IL1RAPL1: variants seen among roughly 807,000 people sequenced by gnomAD.
IL1RAPL1 encodes the protein interleukin-1 receptor accessory protein-like 1.
IL1RAPL1 carries 3 observed loss-of-function variants against 48.4 expected under a neutral mutation model. That is an observed-to-expected ratio of 0.06 (90% CI 0.03 to 0.16). The LOEUF is 0.16. Ranked by LOEUF, IL1RAPL1 falls within the 10% of genes least tolerant of loss-of-function variation. IL1RAPL1 has a pLI of 1.00. For missense variants in IL1RAPL1, 349 were observed against 530.6 expected (o/e 0.66, Z 3.36); for synonymous variants, 185 against 187.7 (o/e 0.99, Z 0.12).
intron 3 of IL1RAPL1, among the ~76,000 whole-genome samples, chrX:29,333,199 G>A (rs1161963175): frequency 1.8e-4 from 19 of 106,750 alleles, no homozygotes; most frequent in Non-Finnish European, 3.5e-4. Context: ...CGGGCAGAGG[G>A]GCTCCTCACT....
intron 2 of IL1RAPL1, among the ~76,000 whole-genome samples, chrX:29,208,903 C>T (rs968547281): frequency 5.4e-5 from 6 of 110,110 alleles, no homozygotes; most frequent in Non-Finnish European, 7.6e-5. Flanking sequence ...TTTTGGCCAA[C>T]TTCCTGCTTT....
chrX:29,335,979 C>G (rs1322950643), intron 3 of IL1RAPL1, among the ~76,000 whole-genome samples: 1 of 108,698 alleles, frequency 9.2e-6, no homozygotes, highest in Non-Finnish European at 1.9e-5. Flanking sequence ...TATGTGATAG[C>G]TACAGACTTT....
Position 29,223,079 on chromosome X carries a change from AAT to A in IL1RAPL1, c.83-59856_83-59855del, listed in dbSNP as rs779980593. ...ACACCTGCCCAACCCTACTCAATGT[AAT>A]ATTTTCTATATGTTATAGCCAGAAT... On this transcript the variant is annotated intron_variant, in intron 2 of 10. Transcript: ENST00000378993. Among the ~76,000 whole-genome samples the A allele has an allele frequency of 8.1e-5, 9 of 111,442 alleles. No individual in the cohort carries two copies. The East Asian group carries it at 2.6e-3, about 32-fold the overall frequency.
intron 1 of IL1RAPL1, among the ~76,000 whole-genome samples, chrX:28,779,634 G>GTGTATATATATA (rs1374982138): frequency 2.6e-5 from 1 of 38,343 alleles, no homozygotes; most frequent in Non-Finnish European, 4.5e-5. Flanking sequence ...GTGTGTGTGT[G>GTGTATATATATA]TATATATATA....
At chrX:29,925,623 G>A (rs924271836) in intron 8 of IL1RAPL1, among the ~76,000 whole-genome samples, 1 of 105,604 alleles carries the variant, frequency 9.5e-6, no homozygotes, top group Non-Finnish European at 1.9e-5. Flanking sequence ...CCGCAACCTC[G>A]AATTCCTGGG....
rs201930711 is a variant in IL1RAPL1, at chrX:29,896,670, G to GT, written c.779-20788dup. Among the ~76,000 whole-genome samples the GT allele has an allele frequency of 2.9e-3, 331 of 112,224 alleles. 3 individuals are homozygous for GT. Among genetic ancestry groups the GT allele is most frequent in the African/African-American group, 1.0e-2 (308 of 30,860 alleles). ...TCCACTAGGATAGACTGAAACCTGT[G>GT]TTTTTTGTTGTTAGTTGTTGTTGCC... On this transcript the variant is annotated intron_variant, in intron 6 of 10. Transcript: ENST00000378993.
At chrX:28,905,912 G>A (rs1296848569) in intron 2 of IL1RAPL1, among the ~76,000 whole-genome samples, 1 of 111,730 alleles carries the variant, frequency 9.0e-6, no homozygotes, top group East Asian at 2.8e-4. Context: ...CTGAAAGAAG[G>A]CAAGTATATT....
At chrX:29,333,964 C>T (rs1932930755) in intron 3 of IL1RAPL1, among the ~76,000 whole-genome samples, 1 of 91,776 alleles carries the variant, frequency 1.1e-5, no homozygotes, top group Admixed American at 1.1e-4. Flanking sequence ...GGCGGCTGGC[C>T]GGGCGGGGGG....
chrX:29,769,722 T>C (rs1929011029), intron 6 of IL1RAPL1, among the ~76,000 whole-genome samples: 1 of 103,334 alleles, frequency 9.7e-6, no homozygotes, highest in African/African-American at 3.6e-5. Flanking sequence ...GTTCAACCAA[T>C]TCTCCTTCCT....
intron 5 of IL1RAPL1, among the ~76,000 whole-genome samples, chrX:29,565,334 AAC>A (rs948767808): frequency 6.3e-5 from 7 of 111,039 alleles, no homozygotes; most frequent in Admixed American, 4.8e-4. Context: ...AAAAAAAAAA[AAC>A]ACAAACATTT....
At chrX:29,086,140 A>T (rs751623154) in intron 2 of IL1RAPL1, among the ~76,000 whole-genome samples, 1 of 112,320 alleles carries the variant, frequency 8.9e-6, no homozygotes, top group African/African-American at 3.2e-5. Flanking sequence ...CAGTGCTAAG[A>T]TATTCATTTG....
At chrX:29,413,511 C>G (rs1377117770) in intron 5 of IL1RAPL1, among the ~76,000 whole-genome samples, 2 of 92,746 alleles carry the variant, frequency 2.2e-5, no homozygotes, top group Non-Finnish European at 4.3e-5. Flanking sequence ...CCCCTACCCC[C>G]ACCCCACAAC....
chrX:29,908,627 A>AAAAT (rs1243958558), intron 6 of IL1RAPL1, among the ~76,000 whole-genome samples: 1 of 111,484 alleles, frequency 9.0e-6, no homozygotes, highest in East Asian at 2.8e-4. Flanking sequence ...TATTTTGTTT[A>AAAAT]AAATAACTCA....
chrX:28,920,322 T>C (rs999040427), intron 2 of IL1RAPL1, among the ~76,000 whole-genome samples: 1 of 111,877 alleles, frequency 8.9e-6, no homozygotes, highest in Non-Finnish European at 1.9e-5. Flanking sequence ...TGACCTATAT[T>C]GCTGCTCTGA....
At chrX:29,818,399 G>A (rs1157899874) in intron 6 of IL1RAPL1, among the ~76,000 whole-genome samples, 1 of 111,265 alleles carries the variant, frequency 9.0e-6, no homozygotes, top group Non-Finnish European at 1.9e-5. Flanking sequence ...CTGTAGTTTG[G>A]CCCACTCAAC....
At chrX:29,577,545 G>A (rs564279283) in intron 5 of IL1RAPL1, among the ~76,000 whole-genome samples, 9 of 111,726 alleles carry the variant, frequency 8.1e-5, no homozygotes, top group African/African-American at 1.3e-4. Context: ...GCTATCCTGC[G>A]GAGAGTTACC....
At chrX:28,862,163 G>A (rs948916323) in intron 2 of IL1RAPL1, among the ~76,000 whole-genome samples, 12 of 111,974 alleles carry the variant, frequency 1.1e-4, no homozygotes, top group East Asian at 2.8e-4. Flanking sequence ...TGGTTTTACC[G>A]TCAACAGATA....
chrX:29,880,981 T>C lies in IL1RAPL1; in HGVS notation c.779-36483T>C, dbSNP rs142965485. 2.5e-3 allele frequency among the ~76,000 whole-genome samples: 278 copies of C among 111,425 alleles called. 1 individual carries two copies. The highest frequency in any genetic ancestry group is 4.5e-3 in the Non-Finnish European group (240 of 52,956). On this transcript the variant is annotated intron_variant, in intron 6 of 10. Coordinates refer to ENST00000378993, the MANE Select transcript of IL1RAPL1 (RefSeq NM_014271.4). Reference sequence around the variant, plus strand: ...CGCCAACCACATTCAAAAATAGATATTTGTGTGTGTTCCAGTTACATTTTA... The same window carrying C: ...CGCCAACCACATTCAAAAATAGATACTTGTGTGTGTTCCAGTTACATTTTA...
intron 2 of IL1RAPL1, among the ~76,000 whole-genome samples, chrX:29,018,578 T>C (rs759759332): frequency 2.5e-4 from 28 of 111,934 alleles, no homozygotes; most frequent in Non-Finnish European, 4.7e-4. Flanking sequence ...AGCAAAGCCA[T>C]GTTAAACAGC....
Sources: allele counts gnomAD v4.1 joint callset (sites outside exome capture counted in the v4.1 genomes callset), GRCh38; gene constraint gnomAD v4.1.1; transcripts MANE v1.5; gene names NCBI Gene and HGNC (gene_info 2026-07-23, HGNC 2026-07-21).